The following BAHD1 variants were observed in gnomAD, a reference collection of about 807,000 sequenced individuals.
BAHD1 encodes the protein bromo adjacent homology domain containing 1, also known as bromo adjacent homology domain-containing 1 protein.
A neutral mutation model predicts 63.1 loss-of-function variants in BAHD1; 20 were observed. The observed-to-expected ratio is 0.32, with a 90% CI of 0.22 to 0.46. BAHD1 has a LOEUF of 0.46. Ranked by LOEUF, BAHD1 falls within the 20% of genes least tolerant of loss-of-function variation. The pLI is 1.00. For synonymous variants in BAHD1, 408 were observed against 426.8 expected, an observed-to-expected ratio of 0.96 and a Z score of 0.54; for missense variants, 939 against 1,071.8, an observed-to-expected ratio of 0.88 and a Z score of 1.73.
upstream of BAHD1, among the ~76,000 whole-genome samples, chr15:40,437,856 G>A (rs1893308843): frequency 6.6e-6 from 1 of 152,194 alleles, no homozygotes; most frequent in East Asian, 1.9e-4. Flanking sequence ...GTCTGTCCCG[G>A]CTGTCAGTCT....
Position 40,462,141 on chromosome 15 carries a change from C to T in BAHD1, c.1662C>T (p.Ser554=), listed in dbSNP as rs2141541205. The change falls in exon 3 of 7, where the codon AGC becomes AGT. Residue 554 remains serine (S), a synonymous_variant. Coordinates refer to ENST00000416165, the MANE Select transcript of BAHD1 (RefSeq NM_014952.5). The part of the protein sequence containing the change: ...GSKSGLRTGS[S]CRHTARSKAA... ...AGTCAGGTCTGCGCACAGGCTCCAG[C>T]TGCAGGCACACTGCAAGGAGCAAGG... The T allele has an allele frequency of 6.2e-7, 1 of 1,612,346 alleles. No individual in the cohort carries two copies. Among genetic ancestry groups the T allele is most frequent in the Non-Finnish European group, 8.5e-7 (1 of 1,179,992 alleles).
In BAHD1 at chr15:40,468,217, T is replaced by C. The variant is rs1327029991; in HGVS notation, c.*2087T>C. Reference sequence around the variant, plus strand: ...TAAGAAAAAAATAAATTTGAGAAATTGTATTGATTTAGAAAAGGATCGTTT... The same window carrying C: ...TAAGAAAAAAATAAATTTGAGAAATCGTATTGATTTAGAAAAGGATCGTTT... On this transcript the variant is annotated 3_prime_UTR_variant, in exon 7 of 7. Transcript: ENST00000416165. 3.3e-5 allele frequency: 5 copies of C among 152,598 alleles called. No individual in the cohort carries two copies. The South Asian group carries it at 1.0e-3, about 32-fold the overall frequency. 9.5% of individuals were successfully genotyped at this position (152,598 alleles called of 1,614,324 possible). A position where few individuals can be genotyped will look rare whatever the true frequency, so the allele number is the denominator to read the frequency against.
chr15:40,462,340 G>GGGACACATGACCTGCAGTGA (rs1437026773), intron 3 of BAHD1, 46 bp downstream of exon 3: 2 of 1,556,758 alleles, frequency 1.3e-6, no homozygotes, highest in East Asian at 2.3e-5. Context: ...GGAGGCAGTG[G>GGGACACATGACCTGCAGTGA]GGACACATGA....
rs1470113155 is a variant in BAHD1, at chr15:40,466,265, G to A, written c.*135G>A. 2.5e-6 allele frequency: 2 copies of A among 791,062 alleles called. No homozygotes were observed. The highest frequency in any genetic ancestry group is 6.7e-5 in the East Asian group (2 of 29,716). The allele number at this position is 791,062 out of a possible 1,614,324, so 49.0% of individuals were successfully genotyped here. ...GGCCTGTGGTTTTCTTGGGGGGGAG[G>A]GCAGGGGCCCCTGTGGGTTCTGGGC... is the stretch of plus-strand genomic sequence containing the variant. On this transcript the variant is annotated 3_prime_UTR_variant, in exon 7 of 7. Transcript: ENST00000416165.
intron 1 of BAHD1, among the ~76,000 whole-genome samples, chr15:40,451,919 A>G (rs373842349): frequency 1.2e-3 from 146 of 122,474 alleles, no homozygotes; most frequent in Non-Finnish European, 2.1e-3. Context: ...TTTTTATTGC[A>G]TGTGATTACC....
intron 3 of BAHD1, 145 bp downstream of exon 3, chr15:40,462,439 A>G: frequency 8.1e-7 from 1 of 1,228,518 alleles, no homozygotes; most frequent in Non-Finnish European, 1.1e-6. Flanking sequence ...CCCAGGAACC[A>G]GTCATGCTGG....
chr15:40,441,368 C>G (rs1004514866), intron 1 of BAHD1, 100 bp downstream of exon 1: 2 of 150,300 alleles, frequency 1.3e-5, no homozygotes, highest in Admixed American at 6.6e-5. Context: ...ACCGGCCGCC[C>G]GTCAGCGCGC....
intron 3 of BAHD1, 128 bp downstream of exon 3, chr15:40,462,422 C>T: frequency 1.5e-6 from 2 of 1,333,744 alleles, no homozygotes; most frequent in Non-Finnish European, 2.0e-6. Flanking sequence ...CTCCAGTTTA[C>T]TTGTACCCCA....
chr15:40,449,406 C>G (rs375081830), intron 1 of BAHD1, among the ~76,000 whole-genome samples: 1 of 152,178 alleles, frequency 6.6e-6, no homozygotes, highest in Admixed American at 6.5e-5. Context: ...TGTCTTGATA[C>G]AAGTGTCTGT....
At chr15:40,445,772 A>C (rs898751714) in intron 1 of BAHD1, among the ~76,000 whole-genome samples, 2 of 152,152 alleles carry the variant, frequency 1.3e-5, no homozygotes, top group African/African-American at 2.4e-5. Flanking sequence ...ACCCCGACCC[A>C]AGTATTTATG....
In BAHD1 at chr15:40,459,641, T is replaced by C; in HGVS notation, c.1177T>C (p.Tyr393His). 1 of 1,614,128 alleles carries C rather than the reference T, an allele frequency of 6.2e-7. No homozygotes were observed. The highest frequency in any genetic ancestry group is 1.1e-5 in the South Asian group (1 of 91,086). Residue 393 changes from tyrosine (Y) to histidine (H), a missense_variant, in exon 2 of 7, where the codon TAC (tyrosine) becomes CAC (histidine). Physicochemically the swap from Tyr to His is moderately conservative, Grantham distance 83 (BLOSUM62 2). Transcript: ENST00000416165. The stretch of plus-strand genomic sequence containing the variant: ...CCAAGAGGGGCTGCAGTGTGGGGGC[T>C]ACTCGCCCTGCCCCATGCTTCCTGA... ...CGQEGLQCGG[Y>H]SPCPMLPEGK... is the part of the protein sequence containing the mutation.
intron 1 of BAHD1, among the ~76,000 whole-genome samples, chr15:40,453,233 C>A (rs545601873): frequency 1.3e-5 from 2 of 152,356 alleles, no homozygotes; most frequent in East Asian, 3.9e-4. Context: ...GCATTTAAAT[C>A]TAGGTCTGAC....
intron 1 of BAHD1, among the ~76,000 whole-genome samples, chr15:40,447,593 AATAAATAAATAAATAAAT>A (rs1893576705): frequency 7.0e-6 from 1 of 143,342 alleles, no homozygotes; most frequent in African/African-American, 2.5e-5. Flanking sequence ...TAAATAAATA[AATAAATAAATAAATAAAT>A]AAAAATAAAA....
Position 40,467,805 on chromosome 15 carries a change from T to C in BAHD1, c.*1675T>C, listed in dbSNP as rs764023397. On this transcript the variant is annotated 3_prime_UTR_variant, in exon 7 of 7. Transcript: ENST00000416165. Reference sequence around the variant, plus strand: ...GTGTCTGTCTGGGAGGATGGGGCAGTAAATGAGGTTGGCAGAGTGGCAGTG... The same window carrying C: ...GTGTCTGTCTGGGAGGATGGGGCAGCAAATGAGGTTGGCAGAGTGGCAGTG... 2.0e-5 allele frequency: 3 copies of C among 152,594 alleles called. No individual in the cohort carries two copies. The highest frequency in any genetic ancestry group is 4.4e-5 in the Non-Finnish European group (3 of 68,054). The allele number at this position is 152,594 out of a possible 1,614,324, so 9.5% of individuals were successfully genotyped here.
At chr15:40,453,873 T>G (rs1023558556) in intron 1 of BAHD1, 7 of 148,458 alleles carry the variant, frequency 4.7e-5, no homozygotes, top group African/African-American at 1.2e-4. Flanking sequence ...CTGGGGAGGC[T>G]GAGGTGGAAG....
chr15:40,462,304 A>G lies in BAHD1; in HGVS notation c.1815+10A>G, dbSNP rs1411680374. The G allele has an allele frequency of 1.9e-6, 3 of 1,586,038 alleles. No homozygotes were observed. Among genetic ancestry groups the G allele is most frequent in the South Asian group, 1.1e-5 (1 of 88,444 alleles). ...GGCTGTGTATGTCTTGGTAAGTGCTAGCTCTTAGCTGATGACGAGAGGGAG... is the reference window on the plus strand; with the variant it reads ...GGCTGTGTATGTCTTGGTAAGTGCTGGCTCTTAGCTGATGACGAGAGGGAG... On this transcript the variant is annotated intron_variant, in intron 3 of 6. Transcript: ENST00000416165.
intron 1 of BAHD1, among the ~76,000 whole-genome samples, chr15:40,452,641 T>A (rs749982158): frequency 1.3e-5 from 2 of 151,952 alleles, no homozygotes; most frequent in Non-Finnish European, 2.9e-5. Context: ...CCCTCACCCT[T>A]GTTTCCCCAG....
At chr15:40,446,720 A>G (rs1252235268) in intron 1 of BAHD1, among the ~76,000 whole-genome samples, 1 of 152,184 alleles carries the variant, frequency 6.6e-6, no homozygotes, top group Non-Finnish European at 1.5e-5. Flanking sequence ...TTGGGTCTCA[A>G]TATTTTTTCT....
In BAHD1 at chr15:40,467,111, T is replaced by C. The variant is rs1439888365; in HGVS notation, c.*981T>C. 1 of 152,614 alleles carries C rather than the reference T, an allele frequency of 6.6e-6. No homozygotes were observed. The highest frequency in any genetic ancestry group is 2.4e-5 in the African/African-American group (1 of 41,450). The allele number at this position is 152,614 out of a possible 1,614,324, so 9.5% of individuals were successfully genotyped here. On this transcript the variant is annotated 3_prime_UTR_variant, in exon 7 of 7. Coordinates refer to ENST00000416165, the MANE Select transcript of BAHD1 (RefSeq NM_014952.5). ...CTAGTCTTTTGTAGATTGCACTAATTTACATCCTAGCAAGAATCAACACTG... is the reference window on the plus strand; with the variant it reads ...CTAGTCTTTTGTAGATTGCACTAATCTACATCCTAGCAAGAATCAACACTG...
Sources: allele counts gnomAD v4.1 joint callset (sites outside exome capture counted in the v4.1 genomes callset), GRCh38; gene constraint gnomAD v4.1.1; transcripts MANE v1.5; gene names NCBI Gene and HGNC (gene_info 2026-07-23, HGNC 2026-07-21).